TXLNB: variants seen among roughly 807,000 people sequenced by gnomAD.
The protein encoded by TXLNB is taxilin beta.
A neutral mutation model predicts 57.4 loss-of-function variants in TXLNB; 37 were observed. That is an observed-to-expected ratio of 0.64 (90% CI 0.50 to 0.85). The LOEUF (loss-of-function observed/expected upper bound fraction) is 0.85. TXLNB is among the 40% of genes least tolerant of loss of function. The pLI is 0.00. For missense variants in TXLNB, 848 were observed against 825.6 expected (o/e 1.03, Z -0.33); for synonymous variants, 302 against 309.6 (o/e 0.98, Z 0.26).
At chr6:139,315,474 A>T in the TXLNB span, among the ~76,000 whole-genome samples, 4,526 of 152,284 alleles carry the variant, frequency 0.03, 242 homozygotes, top group African/African-American at 0.1. Context: ...AGAGTAAGTT[A>T]TGAGTAAAAT....
At chr6:139,297,643 C>T in the TXLNB span, among the ~76,000 whole-genome samples, 1 of 152,268 alleles carries the variant, frequency 6.6e-6, no homozygotes, top group African/African-American at 2.4e-5. Context: ...CAATTTCCTA[C>T]TCCATAGAAT....
the TXLNB span, among the ~76,000 whole-genome samples, chr6:139,299,943 T>C: frequency 6.6e-6 from 1 of 152,340 alleles, no homozygotes; most frequent in African/African-American, 2.4e-5. Flanking sequence ...AGAGGTTTGA[T>C]AAAAGCATCC....
At position 139,242,940 on chromosome 6, in the gene TXLNB, G is replaced by T. The variant is rs1296033544; in HGVS notation, c.1641C>A (p.Ile547=). Residue 547 remains isoleucine, a synonymous_variant, in exon 10 of 10, where the codon ATC becomes ATA. Coordinates refer to ENST00000358430, the MANE Select transcript of TXLNB (RefSeq NM_153235.4). ...GGGGACTCTCTGAATCCCGTGAAGG[G>T]ATCAGAGGGGGTTGCTCTGGCTCCT... is the stretch of plus-strand genomic sequence containing the variant. The part of the protein sequence containing the change: ...ALKEPEQPPL[I]PSRDSESPLP... 1.3e-5 allele frequency: 21 copies of T among 1,614,030 alleles called. No individual in the cohort carries two copies. Among genetic ancestry groups the T allele is most frequent in the Non-Finnish European group, 1.8e-5 (21 of 1,180,026 alleles).
chr6:139,183,354 T>G, the TXLNB span: 1 of 152,364 alleles, frequency 6.6e-6, no homozygotes, highest in African/African-American at 2.4e-5. Flanking sequence ...ACCACTTGCA[T>G]ACTGGCCACC....
At chr6:139,173,169 A>T in the TXLNB span, among the ~76,000 whole-genome samples, 1 of 152,226 alleles carries the variant, frequency 6.6e-6, no homozygotes, top group Admixed American at 6.5e-5. Context: ...AATGCCGTAG[A>T]GCAGAGGTGG....
In TXLNB at chr6:139,242,710, T is replaced by G; in HGVS notation, c.1871A>C (p.Gln624Pro). ...AGCAGGCACATCTGCCTCCATCTTC[T>G]GTAGGGAGGCCTCGGTGGGAGCCTG... ...APQAPTEASL[Q>P]KMEADVPAPA... Residue 624 changes from glutamine to proline, a missense_variant, in exon 10 of 10, where the codon CAG (glutamine) becomes CCG (proline). Coordinates refer to ENST00000358430, the MANE Select transcript of TXLNB (RefSeq NM_153235.4). The G allele has an allele frequency of 1.2e-6, 2 of 1,612,204 alleles. No individual in the cohort carries two copies. The highest frequency in any genetic ancestry group is 2.7e-5 in the African/African-American group (2 of 74,738).
Position 139,288,588 on chromosome 6 carries a change from T to A in TXLNB, c.312A>T (p.Glu104Asp). 1 of 1,614,222 alleles carries A rather than the reference T, an allele frequency of 6.2e-7. No individual in the cohort carries two copies. Among genetic ancestry groups the A allele is most frequent in the Non-Finnish European group, 8.5e-7 (1 of 1,180,032 alleles). The change falls in exon 2 of 10, where the codon GAA (glutamate) becomes GAT (aspartate). Residue 104 changes from glutamate (E) to aspartate (D), a missense_variant. By Grantham distance (45) the Glu-to-Asp change is conservative (BLOSUM62 2). Coordinates refer to ENST00000358430, the MANE Select transcript of TXLNB (RefSeq NM_153235.4). ...GTTCTCTTCCAGCCTCTTCAGTTGT[T>A]TCCTCACAGTCCCCATCCTCGTTGT... ...SPDNEDGDCE[E>D]TTEEAGREPV...
At chr6:139,211,571 G>A in the TXLNB span, among the ~76,000 whole-genome samples, 134 of 152,274 alleles carry the variant, frequency 8.8e-4, no homozygotes, top group Middle Eastern at 3.4e-3. Context: ...AAATCAGAGC[G>A]CCTCTCCTCC....
At chr6:139,232,445 T>C in the TXLNB span, among the ~76,000 whole-genome samples, 1 of 152,244 alleles carries the variant, frequency 6.6e-6, no homozygotes, top group Non-Finnish European at 1.5e-5. Flanking sequence ...TCTCATCTAA[T>C]ATATATTTAA....
At chr6:139,231,560 A>T in the TXLNB span, among the ~76,000 whole-genome samples, 1 of 152,252 alleles carries the variant, frequency 6.6e-6, no homozygotes, top group South Asian at 2.1e-4. Flanking sequence ...AAAAGAAATT[A>T]TATGAGTAAT....
intron 7 of TXLNB, among the ~76,000 whole-genome samples, chr6:139,252,172 G>T (rs1340912862): frequency 6.6e-6 from 1 of 152,302 alleles, no homozygotes; most frequent in Middle Eastern, 3.4e-3. Flanking sequence ...GTTGTCTTAT[G>T]ACTGAAAAGT....
intron 7 of TXLNB, among the ~76,000 whole-genome samples, chr6:139,248,354 G>A (rs7745593): frequency 1.3e-5 from 2 of 151,906 alleles, no homozygotes; most frequent in African/African-American, 4.8e-5. Flanking sequence ...AAATTAGCCG[G>A]GCATGGTGGT....
chr6:139,299,603 G>A, the TXLNB span, among the ~76,000 whole-genome samples: 1 of 152,196 alleles, frequency 6.6e-6, no homozygotes, highest in Non-Finnish European at 1.5e-5. Context: ...CTTGGTGAGG[G>A]AAGGGACCTC....
chr6:139,196,794 C>G, the TXLNB span, among the ~76,000 whole-genome samples: 1 of 152,076 alleles, frequency 6.6e-6, no homozygotes, highest in African/African-American at 2.4e-5. Flanking sequence ...TCTAAGACAT[C>G]AAAAACACTC....
the TXLNB span, among the ~76,000 whole-genome samples, chr6:139,320,660 C>T: frequency 6.6e-6 from 1 of 151,464 alleles, no homozygotes; most frequent in South Asian, 2.1e-4. Context: ...TTTTACCAAC[C>T]TAGAGGTGAG....
intron 2 of TXLNB, among the ~76,000 whole-genome samples, chr6:139,288,274 AG>A (rs1204812433): frequency 6.6e-6 from 1 of 152,214 alleles, no homozygotes; most frequent in Non-Finnish European, 1.5e-5. Context: ...CACGGAACAA[AG>A]GGTCAATGGG....
At chr6:139,207,675 C>T in the TXLNB span, among the ~76,000 whole-genome samples, 1 of 152,084 alleles carries the variant, frequency 6.6e-6, no homozygotes, top group Non-Finnish European at 1.5e-5. Context: ...GAACTACAAA[C>T]AATAAATGAA....
At chr6:139,295,881 C>A (rs1777380276), upstream of TXLNB, among the ~76,000 whole-genome samples, 1 of 152,102 alleles carries the variant, frequency 6.6e-6, no homozygotes, top group African/African-American at 2.4e-5. Context: ...TTTTTCTTTT[C>A]ATTTGCCTAG....
At chr6:139,244,290 C>T (rs1338989124) in intron 9 of TXLNB, among the ~76,000 whole-genome samples, 1 of 152,174 alleles carries the variant, frequency 6.6e-6, no homozygotes, top group South Asian at 2.1e-4. Context: ...TAAAATAAGA[C>T]ACTCATCCTA....
Sources: allele counts gnomAD v4.1 joint callset (sites outside exome capture counted in the v4.1 genomes callset), GRCh38; gene constraint gnomAD v4.1.1; transcripts MANE v1.5; gene names NCBI Gene and HGNC (gene_info 2026-07-23, HGNC 2026-07-21).